R3HDM4: variants seen among roughly 807,000 people sequenced by gnomAD.
R3HDM4 encodes R3H domain-containing protein 4.
In R3HDM4, 30 loss-of-function variants were observed where a neutral mutation model predicts 31.3. The observed-to-expected ratio is 0.96, with a 90% confidence interval of 0.72 to 1.30. The LOEUF (loss-of-function observed/expected upper bound fraction) is 1.30, where lower values mean the gene tolerates loss of function less well. R3HDM4 is among the 50% of genes most tolerant of loss of function. The probability of loss-of-function intolerance (pLI) is 0.00; values close to 1 mark genes in which losing one functional copy is unlikely to be tolerated. For missense variants in R3HDM4, 444 were observed against 366.1 expected (o/e 1.21, Z -1.74); for synonymous variants, 196 against 156.6 (o/e 1.25, Z -1.88).
chr19:911,433 G>T (rs2036970439), intron 1 of R3HDM4, among the ~76,000 whole-genome samples: 9 of 152,234 alleles, frequency 5.9e-5, no homozygotes, highest in Admixed American at 5.9e-4. Flanking sequence ...GATAGAGCGA[G>T]ACTCCGTCTC....
At position 899,107 on chromosome 19, in the gene R3HDM4, G is replaced by T. The variant is rs1053590143; in HGVS notation, c.703+333C>A. 2.0e-5 allele frequency among the ~76,000 whole-genome samples: 3 copies of T among 152,070 alleles called. No homozygotes were observed. The highest frequency in any genetic ancestry group is 7.2e-5 in the African/African-American group (3 of 41,402). On this transcript the variant is annotated intron_variant, in intron 7 of 7. Coordinates refer to ENST00000361574, the MANE Select transcript of R3HDM4 (RefSeq NM_138774.4). This position sits in a 1 kb window ranked among gnomAD's most constrained non-coding sequence, Gnocchi z 6.8. Reference sequence around the variant, plus strand: ...TAAATGCAAACCTTCCAGACACTGCGTCCCCCCATCTTATCTCTGGCTCTG... The same window carrying T: ...TAAATGCAAACCTTCCAGACACTGCTTCCCCCCATCTTATCTCTGGCTCTG...
rs192687221 is a variant in R3HDM4 at position 904,005 on chromosome 19, C to T, written c.72-1875G>A. Among the ~76,000 whole-genome samples the T allele has an allele frequency of 2.0e-5, 3 of 152,190 alleles. No homozygotes were observed. The East Asian group carries it at 5.8e-4, about 29-fold the overall frequency. On this transcript the variant is annotated intron_variant, in intron 1 of 7. Coordinates refer to ENST00000361574, the MANE Select transcript of R3HDM4 (RefSeq NM_138774.4). Reference sequence around the variant, plus strand: ...GGCAGAGCTTGCAGTGAGCCGAGATCGTGCCACTGCGCTCCAGCCTGGACG... The same window carrying T: ...GGCAGAGCTTGCAGTGAGCCGAGATTGTGCCACTGCGCTCCAGCCTGGACG...
chr19:901,687 T>C, intron 2 of R3HDM4, 141 bp from the exon 3 acceptor site: 1 of 1,155,340 alleles, frequency 8.7e-7, no homozygotes, highest in South Asian at 1.6e-5. Context: ...CCCCAGAAGG[T>C]ACAGAGACCA....
At position 901,075 on chromosome 19, in the gene R3HDM4, A is replaced by T. The variant is rs2036830152; in HGVS notation, c.352-123T>A. 2.4e-6 allele frequency: 3 copies of T among 1,242,106 alleles called. No homozygotes were observed. The Admixed American group carries it at 8.2e-5, about 34-fold the overall frequency. The allele number at this position is 1,242,106 out of a possible 1,614,324, so 76.9% of individuals were successfully genotyped here. Reference sequence around the variant, plus strand: ...CGCGCTCCTGCGGTCACCTCTGTCCACTGAGGGGCCGCTGCTTGTGTCGGG... The same window carrying T: ...CGCGCTCCTGCGGTCACCTCTGTCCTCTGAGGGGCCGCTGCTTGTGTCGGG... On this transcript the variant is annotated intron_variant, in intron 3 of 7. Coordinates refer to ENST00000361574, the MANE Select transcript of R3HDM4 (RefSeq NM_138774.4).
At position 913,106 on chromosome 19, in the gene R3HDM4, G is replaced by T. The variant is rs1395520915; in HGVS notation, c.52C>A (p.Pro18Thr). The part of the protein sequence containing the change: ...ECGPEAAEGT[P>T]GGRRLLPLPS... Reference sequence around the variant, plus strand: ...GCTCACAGCAGCCGCCGCCCGCCCGGGGTGCCCTCCGCCGCCTCCGGGCCG... The same window carrying T: ...GCTCACAGCAGCCGCCGCCCGCCCGTGGTGCCCTCCGCCGCCTCCGGGCCG... Residue 18 changes from proline (P) to threonine (T), a missense_variant, in exon 1 of 8, where the codon CCG (proline) becomes ACG (threonine). Pro to Thr is a conservative substitution (Grantham distance 38, BLOSUM62 -1). Transcript: ENST00000361574. The surrounding 1 kb of genome is among the most constrained non-coding windows in gnomAD (Gnocchi z 5.0). 1.8e-6 allele frequency: 2 copies of T among 1,083,226 alleles called. No individual in the cohort carries two copies. The highest frequency in any genetic ancestry group is 2.2e-6 in the Non-Finnish European group (2 of 894,146). 67.1% of individuals were successfully genotyped at this position (1,083,226 alleles called of 1,614,324 possible).
chr19:910,902 A>T (rs557968355), intron 1 of R3HDM4, among the ~76,000 whole-genome samples: 3 of 144,322 alleles, frequency 2.1e-5, no homozygotes, highest in Non-Finnish European at 3.1e-5. Flanking sequence ...GGCAGATCAC[A>T]AGGTCAAGAG....
At chr19:901,953 G>T (rs1449210411) in intron 2 of R3HDM4, 23 bp downstream of exon 2, 1 of 1,612,562 alleles carries the variant, frequency 6.2e-7, no homozygotes, top group East Asian at 2.2e-5. Context: ...GCCCCCAGGA[G>T]GCGCCTCCCG....
chr19:897,937 C>T (rs747783707), intron 7 of R3HDM4, among the ~76,000 whole-genome samples: 6 of 152,196 alleles, frequency 3.9e-5, no homozygotes, highest in Non-Finnish European at 7.3e-5. Flanking sequence ...CAGCTCCCAC[C>T]GGCCTCCCCT....
chr19:903,176 C>T (rs1008016239), intron 1 of R3HDM4, among the ~76,000 whole-genome samples: 3 of 151,890 alleles, frequency 2.0e-5, no homozygotes, highest in Non-Finnish European at 2.9e-5. Context: ...TCCCCCACTC[C>T]CAGCAGCAGA....
chr19:903,719 G>A (rs886492448), intron 1 of R3HDM4, among the ~76,000 whole-genome samples: 1 of 152,064 alleles, frequency 6.6e-6, no homozygotes, highest in African/African-American at 2.4e-5. Flanking sequence ...CTGCAATACC[G>A]CGCGCTCCAG....
rs778251922 is a variant in R3HDM4 at position 901,475 on chromosome 19, G to A, written c.298C>T (p.Pro100Ser). 6.2e-7 allele frequency: 1 copy of A among 1,609,530 alleles called. No individual in the cohort carries two copies. Among genetic ancestry groups the A allele is most frequent in the Non-Finnish European group, 8.5e-7 (1 of 1,179,696 alleles). The change falls in exon 3 of 8, where the codon CCT (proline) becomes TCT (serine). Residue 100 changes from proline to serine, a missense_variant. Transcript: ENST00000361574. ...PGLEDGDLAPPASPGIFAEAC... is the reference protein window; with the variant it reads ...PGLEDGDLAPSASPGIFAEAC... Reference sequence around the variant, plus strand: ...TCGGCAAAGATGCCTGGTGATGCAGGGGGTGCCAAGTCCCCATCCTCCAGG... The same window carrying A: ...TCGGCAAAGATGCCTGGTGATGCAGAGGGTGCCAAGTCCCCATCCTCCAGG...
intron 3 of R3HDM4, chr19:901,182 T>G: frequency 1.5e-6 from 1 of 663,160 alleles, no homozygotes; most frequent in East Asian, 2.8e-5. Context: ...GAAACACTCC[T>G]GCAATCGTTG....
At position 899,589 on chromosome 19, in the gene R3HDM4, G is replaced by A. The variant is rs574983656; in HGVS notation, c.647+12C>T. Reference sequence around the variant, plus strand: ...CCTCGGAGGGTCCGCTCGCCTGGCCGCCCCCCCTTACCTGTTGTCTAGCAT... The same window carrying A: ...CCTCGGAGGGTCCGCTCGCCTGGCCACCCCCCCTTACCTGTTGTCTAGCAT... On this transcript the variant is annotated intron_variant, in intron 6 of 7. Transcript: ENST00000361574. This position sits in a 1 kb window ranked among gnomAD's most constrained non-coding sequence, Gnocchi z 6.8. 2.4e-5 allele frequency: 38 copies of A among 1,611,376 alleles called. No homozygotes were observed. Among genetic ancestry groups the A allele is most frequent in the South Asian group, 1.8e-4 (16 of 90,954 alleles).
At chr19:910,666 G>C (rs1043244277) in intron 1 of R3HDM4, among the ~76,000 whole-genome samples, 2 of 151,936 alleles carry the variant, frequency 1.3e-5, no homozygotes, top group South Asian at 4.1e-4. Context: ...CCAATAGACC[G>C]AGACTCTGTC....
chr19:900,836 C>G lies in R3HDM4; in HGVS notation c.468G>C (p.Arg156=), dbSNP rs181865057. 9.2e-4 allele frequency: 1,416 copies of G among 1,536,704 alleles called. 3 individuals carry two copies. The highest frequency in any genetic ancestry group is 1.1e-3 in the Admixed American group (55 of 50,146). Residue 156 remains arginine (R), a synonymous_variant, in exon 4 of 8, where the codon CGG becomes CGC. Transcript: ENST00000361574. ...RRRGPGRGED[R]RREDPAYTPR... is the part of the protein sequence containing the mutation. ...CCCCAGCCAGGCCCGCACCTCTCCT[C>G]CGGTCCTCCCCACGGCCAGGGCCCC...
At chr19:898,796 T>G (rs1451324569) in intron 7 of R3HDM4, among the ~76,000 whole-genome samples, 1 of 151,880 alleles carries the variant, frequency 6.6e-6, no homozygotes, top group East Asian at 1.9e-4. Flanking sequence ...AGGCCGGATG[T>G]TCTGAGCAGA....
Position 902,093 on chromosome 19 carries a change from G to C in R3HDM4, c.109C>G (p.Gln37Glu). ...CTGGAAGCCGAGAGTCTCTTCACCTGGGAGCTGGCTAGGGCAGGCAGGCAG... is the reference window on the plus strand; with the variant it reads ...CTGGAAGCCGAGAGTCTCTTCACCTCGGAGCTGGCTAGGGCAGGCAGGCAG... ...PSCLPALASSQVKRLSASRRK... is the reference protein window; with the variant it reads ...PSCLPALASSEVKRLSASRRK... Residue 37 changes from glutamine (Q) to glutamate (E), a missense_variant, in exon 2 of 8, where the codon CAG becomes GAG. Gln to Glu is a conservative substitution (Grantham distance 29). Coordinates refer to ENST00000361574, the MANE Select transcript of R3HDM4 (RefSeq NM_138774.4). 6.2e-7 allele frequency: 1 copy of C among 1,613,760 alleles called. No homozygotes were observed. Among genetic ancestry groups the C allele is most frequent in the Non-Finnish European group, 8.5e-7 (1 of 1,179,982 alleles).
intron 1 of R3HDM4, among the ~76,000 whole-genome samples, chr19:908,272 C>A (rs1267005472): frequency 6.6e-6 from 1 of 152,038 alleles, no homozygotes; most frequent in Non-Finnish European, 1.5e-5. Context: ...GTCACCGACA[C>A]TCCTCTCCAG....
Position 902,196 on chromosome 19 carries a change from C to A in R3HDM4, c.72-66G>T, listed in dbSNP as rs940788921. The A allele has an allele frequency of 1.7e-5, 27 of 1,575,848 alleles. No homozygotes were observed. In the South Asian group the frequency reaches 3.0e-4, roughly 17 times the overall value. ...GCCAGGATCTCCGAGAAGGGCCCTA[C>A]CACAGCCATGGCCCGCTTGGTTTCC... On this transcript the variant is annotated intron_variant, in intron 1 of 7. Coordinates refer to ENST00000361574, the MANE Select transcript of R3HDM4 (RefSeq NM_138774.4).
Sources: allele counts gnomAD v4.1 joint callset (sites outside exome capture counted in the v4.1 genomes callset), GRCh38; gene constraint gnomAD v4.1.1; non-coding constraint Gnocchi (gnomAD v3.1); transcripts MANE v1.5; gene names NCBI Gene and HGNC (gene_info 2026-07-23, HGNC 2026-07-21).